The following SLC39A14 variants were observed in gnomAD, a reference collection of about 807,000 sequenced individuals.
The protein encoded by SLC39A14 is metal cation symporter ZIP14.
A neutral mutation model predicts 45.5 loss-of-function variants in SLC39A14; 19 were observed. The ratio of observed to expected loss-of-function variants is 0.42; its 90% CI spans 0.29 to 0.61. The LOEUF (loss-of-function observed/expected upper bound fraction) is 0.61, where lower values mean the gene tolerates loss of function less well. Among genes scored for constraint, SLC39A14 ranks in the 20% least tolerant of loss-of-function variants. The pLI is 0.22. For synonymous variants in SLC39A14, 264 were observed against 251.3 expected (o/e 1.05, Z -0.48); for missense variants, 447 against 616.5 (o/e 0.73, Z 2.91).
chr8:22,414,616 C>T (rs113891310), intron 4 of SLC39A14, among the ~76,000 whole-genome samples, 164 bp from the exon 5 acceptor site: 1 of 152,060 alleles, frequency 6.6e-6, no homozygotes, highest in Non-Finnish European at 1.5e-5. Flanking sequence ...CAGGGAAACA[C>T]CAAGGACTAG....
intron 1 of SLC39A14, among the ~76,000 whole-genome samples, chr8:22,403,557 G>A (rs892849078): frequency 6.6e-6 from 1 of 151,668 alleles, no homozygotes; most frequent in Non-Finnish European, 1.5e-5. Flanking sequence ...GGGATTACAG[G>A]CATGAGCCAC....
Position 22,404,689 on chromosome 8 carries a change from C to G in SLC39A14, c.-15-7C>G, listed in dbSNP as rs747252664. On this transcript the variant is annotated splice_region_variant and splice_polypyrimidine_tract_variant and intron_variant, in intron 1 of 8. Coordinates refer to ENST00000381237, the MANE Select transcript of SLC39A14 (RefSeq NM_001128431.4). ...GCCTCAGCTTCACCTGCCTTTTTCT[C>G]TCACAGGTTTATTCAGTCACCATGA... 2 of 1,602,402 alleles carry G rather than the reference C, an allele frequency of 1.2e-6. No individual in the cohort carries two copies. Among genetic ancestry groups the G allele is most frequent in the East Asian group, 2.2e-5 (1 of 44,700 alleles).
chr8:22,412,484 C>T (rs1328973003), intron 4 of SLC39A14, among the ~76,000 whole-genome samples: 4 of 152,268 alleles, frequency 2.6e-5, no homozygotes, highest in East Asian at 1.9e-4. Context: ...AGCAATAGAC[C>T]GGCCTCAGGA....
chr8:22,395,015 C>CTT (rs56710226), intron 1 of SLC39A14, among the ~76,000 whole-genome samples: 11 of 145,194 alleles, frequency 7.6e-5, no homozygotes, highest in African/African-American at 2.0e-4. Flanking sequence ...TCTTTTCTCT[C>CTT]TTTTTTTTTT....
chr8:22,423,874 A>C (rs1046155721), downstream of SLC39A14, among the ~76,000 whole-genome samples: 11 of 150,686 alleles, frequency 7.3e-5, no homozygotes, highest in African/African-American at 2.7e-4. Flanking sequence ...ATCTATCTAG[A>C]GAGAGAGAGT....
At chr8:22,386,439 G>C (rs1179505726) in intron 1 of SLC39A14, among the ~76,000 whole-genome samples, 1 of 151,374 alleles carries the variant, frequency 6.6e-6, no homozygotes. Context: ...GCTAATTTTT[G>C]TATTTTTAGT....
At chr8:22,422,968 T>G (rs1836307233), downstream of SLC39A14, among the ~76,000 whole-genome samples, 4 of 147,598 alleles carry the variant, frequency 2.7e-5, no homozygotes, top group South Asian at 6.5e-4. Context: ...GGATTACAGG[T>G]GCCCGCCACC....
chr8:22,404,464 T>TTTG (rs1341048844), intron 1 of SLC39A14: 27 of 219,130 alleles, frequency 1.2e-4, no homozygotes, highest in Non-Finnish European at 1.9e-4. Flanking sequence ...TGCTGTTTGT[T>TTTG]TTTTTTTTTT....
intron 4 of SLC39A14, among the ~76,000 whole-genome samples, chr8:22,413,975 C>T (rs934136894): frequency 2.0e-5 from 3 of 151,822 alleles, no homozygotes; most frequent in Non-Finnish European, 4.4e-5. Flanking sequence ...GTTGGGGTTT[C>T]GCCATGTTGG....
At chr8:22,403,679 G>T (rs1248789339) in intron 1 of SLC39A14, among the ~76,000 whole-genome samples, 1 of 151,824 alleles carries the variant, frequency 6.6e-6, no homozygotes, top group Non-Finnish European at 1.5e-5. Context: ...AGCAGTTTGG[G>T]AGGCCGAGGT....
intron 8 of SLC39A14, among the ~76,000 whole-genome samples, chr8:22,432,808 C>A (rs894066932): frequency 7.1e-6 from 1 of 140,496 alleles, no homozygotes; most frequent in Admixed American, 7.3e-5. Flanking sequence ...CCACAACACC[C>A]GGCTATTTTG....
intron 1 of SLC39A14, among the ~76,000 whole-genome samples, chr8:22,368,674 C>G (rs1832775853): frequency 2.0e-5 from 3 of 151,990 alleles, no homozygotes; most frequent in Admixed American, 2.0e-4. Context: ...GTAGCTGGGA[C>G]TACAGGCGCG....
chr8:22,403,449 T>C (rs532515331), intron 1 of SLC39A14, among the ~76,000 whole-genome samples: 1 of 151,506 alleles, frequency 6.6e-6, no homozygotes, highest in African/African-American at 2.4e-5. Context: ...CTGGCTAATT[T>C]TTTGTATTTT....
intron 1 of SLC39A14, among the ~76,000 whole-genome samples, chr8:22,385,678 A>G (rs998666372): frequency 6.6e-6 from 1 of 152,182 alleles, no homozygotes; most frequent in Non-Finnish European, 1.5e-5. Context: ...ACAGTGGTCT[A>G]TAGACCAGGA....
At chr8:22,374,276 G>A (rs1833092018) in intron 1 of SLC39A14, among the ~76,000 whole-genome samples, 2 of 152,144 alleles carry the variant, frequency 1.3e-5, no homozygotes, top group South Asian at 2.1e-4. Context: ...GTCCAGTGGC[G>A]CTCAGCTAAG....
chr8:22,395,206 C>G (rs972334295), intron 1 of SLC39A14, among the ~76,000 whole-genome samples: 1 of 152,028 alleles, frequency 6.6e-6, no homozygotes, highest in Admixed American at 6.6e-5. Context: ...GTTGGGGTTT[C>G]GCCATATTGA....
chr8:22,421,424 T>G lies in SLC39A14; in HGVS notation c.*1726T>G. 1 of 985,828 alleles carries G rather than the reference T, an allele frequency of 1.0e-6. No individual in the cohort carries two copies. The highest frequency in any genetic ancestry group is 1.2e-6 in the Non-Finnish European group (1 of 829,920). The allele number at this position is 985,828 out of a possible 1,614,324, so 61.1% of individuals were successfully genotyped here. On this transcript the variant is annotated 3_prime_UTR_variant, in exon 9 of 9. Coordinates refer to ENST00000381237, the MANE Select transcript of SLC39A14 (RefSeq NM_001128431.4). ...ATCTTGCCTGTTGGCTTCAATACAT[T>G]TGAGAATACGCTGAAGAGGGAAAAT...
At chr8:22,399,754 G>A (rs572156864) in intron 1 of SLC39A14, among the ~76,000 whole-genome samples, 3 of 152,256 alleles carry the variant, frequency 2.0e-5, no homozygotes, top group South Asian at 4.1e-4. Context: ...CCGAGGGGCC[G>A]CTGGGTCTGG....
chr8:22,412,087 C>T lies in SLC39A14; in HGVS notation c.508C>T (p.Leu170=). 6.4e-7 allele frequency: 1 copy of T among 1,551,648 alleles called. No individual in the cohort carries two copies. The highest frequency in any genetic ancestry group is 8.7e-7 in the Non-Finnish European group (1 of 1,146,952). ...CVTVISLCSL[L]GASVVPFMKK... ...GACCGTCATCTCCCTCTGCTCCCTC[C>T]TGGGGGCCAGCGTGGTGCCCTTCAT... The change falls in exon 4 of 9, where the codon CTG becomes TTG. Residue 170 remains leucine (L), a synonymous_variant. Transcript: ENST00000381237.
Sources: allele counts gnomAD v4.1 joint callset (sites outside exome capture counted in the v4.1 genomes callset), GRCh38; gene constraint gnomAD v4.1.1; transcripts MANE v1.5; gene names NCBI Gene and HGNC (gene_info 2026-07-23, HGNC 2026-07-21).